The following PIK3C2A variants were observed in gnomAD, a reference collection of about 807,000 sequenced individuals.
The protein encoded by PIK3C2A is phosphatidylinositol 4-phosphate 3-kinase C2 domain-containing subunit alpha.
In PIK3C2A, 97 loss-of-function variants were observed where a neutral mutation model predicts 204.5. The ratio of observed to expected loss-of-function variants is 0.47; its 90% CI spans 0.40 to 0.56. PIK3C2A has a LOEUF of 0.56. PIK3C2A is among the 20% of genes least tolerant of loss of function. The pLI is 0.00. For synonymous variants in PIK3C2A, 653 were observed against 664.4 expected, an observed-to-expected ratio of 0.98 and a Z score of 0.26; for missense variants, 1,735 against 1,969.2, an observed-to-expected ratio of 0.88 and a Z score of 2.25.
At chr11:17,115,693 G>A (rs944025463) in intron 19 of PIK3C2A, 4 of 151,852 alleles carry the variant, frequency 2.6e-5, no homozygotes, top group African/African-American at 4.8e-5. Flanking sequence ...GCATGTCATC[G>A]TAGTGTAGGG....
intron 15 of PIK3C2A, 130 bp downstream of exon 15, chr11:17,122,058 T>C: frequency 1.8e-6 from 1 of 558,552 alleles, no homozygotes; most frequent in Non-Finnish European, 3.1e-6. Flanking sequence ...AAAAGTAAGT[T>C]AAATAGAAAA....
At chr11:17,144,747 T>C (rs918641264) in intron 8 of PIK3C2A, among the ~76,000 whole-genome samples, 1 of 151,634 alleles carries the variant, frequency 6.6e-6, no homozygotes, top group African/African-American at 2.4e-5. Flanking sequence ...AATATAAAAA[T>C]TAACCAGACA....
rs1851780958 is a variant in PIK3C2A at position 17,187,193 on chromosome 11, A to G, written c.-65-17387T>C. 2.0e-5 allele frequency among the ~76,000 whole-genome samples: 3 copies of G among 152,176 alleles called. 1 individual carries two copies. The South Asian group carries it at 6.2e-4, about 32-fold the overall frequency. On this transcript the variant is annotated intron_variant, in intron 1 of 32. Coordinates refer to ENST00000691414, the MANE Select transcript of PIK3C2A (RefSeq NM_002645.4). ...GGGAGAATGTGTAGAGTGAAGATAAAAAAGAAACAAGAAAAAAATCATGAG... is the reference window on the plus strand; with the variant it reads ...GGGAGAATGTGTAGAGTGAAGATAAGAAAGAAACAAGAAAAAAATCATGAG...
At chr11:17,205,516 C>G (rs1379195919) in intron 1 of PIK3C2A, among the ~76,000 whole-genome samples, 2 of 135,052 alleles carry the variant, frequency 1.5e-5, no homozygotes, top group Non-Finnish European at 3.2e-5. Flanking sequence ...TTCATGTTAT[C>G]AAAGAAAAAC....
chr11:17,125,298 T>C (rs1047788657), intron 13 of PIK3C2A, among the ~76,000 whole-genome samples: 28 of 152,054 alleles, frequency 1.8e-4, no homozygotes, highest in African/African-American at 6.8e-4. Flanking sequence ...GGTTGTAAAC[T>C]GAGGGGGACA....
Position 17,101,405 on chromosome 11 carries a change from T to C in PIK3C2A, c.3881A>G (p.Asp1294Gly), listed in dbSNP as rs1848617778. ...ACCCCCATTAATGACATATGCCATA[T>C]CAGAGGTCAGCACAAAAGGAGCCCG... ...RDRAPFVLTS[D>G]MAYVINGGEK... Residue 1294 changes from aspartate (D) to glycine (G), a missense_variant, in exon 25 of 33, where the codon GAT becomes GGT. Around this residue, in one of 6 missense-constraint regions of PIK3C2A, gnomAD observed 503 missense variants for 669.0 expected, o/e 0.75. Transcript: ENST00000691414. The C allele has an allele frequency of 6.4e-7, 1 of 1,572,040 alleles. No individual in the cohort carries two copies. The highest frequency in any genetic ancestry group is 8.7e-7 in the Non-Finnish European group (1 of 1,151,104).
At chr11:17,112,202 A>G (rs1051684138) in intron 21 of PIK3C2A, among the ~76,000 whole-genome samples, 78 of 152,178 alleles carry the variant, frequency 5.1e-4, no homozygotes, top group Admixed American at 5.2e-4. Flanking sequence ...CTGTAATCCC[A>G]GCACTCTGGG....
chr11:17,155,759 C>T (rs1555028935), intron 2 of PIK3C2A, 130 bp from the exon 3 acceptor site: 3 of 521,122 alleles, frequency 5.8e-6, no homozygotes, highest in Non-Finnish European at 1.0e-5. Context: ...ATATCAATAA[C>T]AAATTTTTAA....
chr11:17,144,981 C>T (rs1432531751), intron 8 of PIK3C2A, among the ~76,000 whole-genome samples: 1 of 151,792 alleles, frequency 6.6e-6, no homozygotes. Flanking sequence ...GCCTGTAGCC[C>T]CTTTGTTTTG....
chr11:17,117,361 C>A (rs1849226995), intron 19 of PIK3C2A, 130 bp downstream of exon 19: 2 of 528,512 alleles, frequency 3.8e-6, no homozygotes, highest in South Asian at 8.3e-5. Flanking sequence ...TTATCTGCCC[C>A]AAATAGCATG....
chr11:17,132,386 G>A (rs1052058299), intron 11 of PIK3C2A, among the ~76,000 whole-genome samples: 5 of 138,934 alleles, frequency 3.6e-5, no homozygotes, highest in Non-Finnish European at 7.5e-5. Flanking sequence ...GCGGACTGCA[G>A]TGGCGCAATC....
At chr11:17,181,333 C>A (rs61879730) in intron 1 of PIK3C2A, among the ~76,000 whole-genome samples, 4,038 of 135,692 alleles carry the variant, frequency 0.03, 72 homozygotes, top group Non-Finnish European at 0.044. Context: ...AGCCCCCAGT[C>A]ACCAATCATC....
chr11:17,120,886 T>G (rs1424275406), intron 15 of PIK3C2A, among the ~76,000 whole-genome samples: 2 of 152,166 alleles, frequency 1.3e-5, no homozygotes, highest in Non-Finnish European at 1.5e-5. Context: ...CTTGGCTCAC[T>G]GCAACCTCCG....
intron 14 of PIK3C2A, 66 bp downstream of exon 14, chr11:17,122,636 T>TAC (rs145992200): frequency 5.2e-6 from 4 of 770,554 alleles, no homozygotes; most frequent in East Asian, 2.5e-5. Flanking sequence ...AATCATGGTA[T>TAC]ACACACACAC....
At chr11:17,129,021 T>C (rs1487666179) in intron 13 of PIK3C2A, among the ~76,000 whole-genome samples, 1 of 152,214 alleles carries the variant, frequency 6.6e-6, no homozygotes, top group Admixed American at 6.5e-5. Context: ...AATGTAGTAC[T>C]TTATATAAAC....
In PIK3C2A at chr11:17,102,850, A is replaced by G. The variant is rs772566854; in HGVS notation, c.3682-19T>C. On this transcript the variant is annotated intron_variant, in intron 23 of 32. Coordinates refer to ENST00000691414, the MANE Select transcript of PIK3C2A (RefSeq NM_002645.4). The stretch of plus-strand genomic sequence containing the variant: ...CTGAAGCCTATAAAAAACATACACA[A>G]TTATTTTAGAAAATGAATTATTTTT... The G allele has an allele frequency of 6.7e-7, 1 of 1,483,708 alleles. No homozygotes were observed. Among genetic ancestry groups the G allele is most frequent in the African/African-American group, 1.4e-5 (1 of 70,774 alleles). 91.9% of individuals were successfully genotyped at this position (1,483,708 alleles called of 1,614,324 possible). A position where few individuals can be genotyped will look rare whatever the true frequency, so the allele number is the denominator to read the frequency against.
Position 17,086,820 on chromosome 11 carries a change from G to A in PIK3C2A, c.*2918C>T, listed in dbSNP as rs557133365. ...GTGGGGGTTCAGTCCTTTTTGATCT[G>A]AAGTCTAAGTTTCAAAAGTGAATGT... On this transcript the variant is annotated 3_prime_UTR_variant, in exon 33 of 33. Coordinates refer to ENST00000691414, the MANE Select transcript of PIK3C2A (RefSeq NM_002645.4). 2 of 152,114 alleles carry A rather than the reference G, an allele frequency of 1.3e-5. No individual in the cohort carries two copies. The highest frequency in any genetic ancestry group is 6.6e-5 in the Admixed American group (1 of 15,264). 9.4% of individuals were successfully genotyped at this position (152,114 alleles called of 1,614,324 possible).
At position 17,093,326 on chromosome 11, in the gene PIK3C2A, G is replaced by T. The variant is rs185624069; in HGVS notation, c.4451+935C>A. Among the ~76,000 whole-genome samples the T allele has an allele frequency of 1.3e-3, 198 of 152,272 alleles. 1 individual carries two copies. Among genetic ancestry groups the T allele is most frequent in the African/African-American group, 4.2e-3 (175 of 41,554 alleles). On this transcript the variant is annotated intron_variant, in intron 28 of 32. Transcript: ENST00000691414. ...CTGTTGCCCAGGCTGGAGTGCAGTG[G>T]TGCCATCTCAGCTCACTGCAAGCTC...
At chr11:17,108,398 C>T (rs1336985858) in intron 22 of PIK3C2A, among the ~76,000 whole-genome samples, 4 of 152,010 alleles carry the variant, frequency 2.6e-5, no homozygotes, top group East Asian at 3.9e-4. Flanking sequence ...GAGACCAGTT[C>T]GAGGCCGGCC....
Sources: gnomAD v4.1 joint callset for allele counts (sites outside exome capture counted in the v4.1 genomes callset) on GRCh38, gnomAD v4.1.1 for gene constraint, gnomAD v4.1.1 regional missense constraint, MANE v1.5 for transcripts, NCBI Gene and HGNC (gene_info 2026-07-23, HGNC 2026-07-21) for gene names.